NGLY1: variants seen among roughly 807,000 people sequenced by gnomAD.
The protein encoded by NGLY1 is N-glycanase 1.
NGLY1 carries 68 observed loss-of-function variants against 84.6 expected under a neutral mutation model. The ratio of observed to expected loss-of-function variants is 0.80; its 90% confidence interval spans 0.66 to 0.98. The LOEUF (loss-of-function observed/expected upper bound fraction) is 0.98, where lower values mean the gene tolerates loss of function less well. Ranked by LOEUF, NGLY1 falls within the 50% of genes least tolerant of loss-of-function variation. NGLY1 has a pLI of 0.00. For missense variants in NGLY1, 779 were observed against 770.2 expected, an observed-to-expected ratio of 1.01 and a Z score of -0.14; for synonymous variants, 280 against 275.2, an observed-to-expected ratio of 1.02 and a Z score of -0.17.
rs780031584 is a variant in NGLY1, at chr3:25,778,703, A to C, written c.132-15T>G. 2.2e-5 allele frequency: 33 copies of C among 1,495,648 alleles called. No individual in the cohort carries two copies. The highest frequency in any genetic ancestry group is 2.8e-5 in the Non-Finnish European group (31 of 1,090,028). The allele number at this position is 1,495,648 out of a possible 1,614,324, so 92.6% of individuals were successfully genotyped here. The stretch of plus-strand genomic sequence containing the variant: ...CATTAGGGTTTCTGACAAAAAACAA[A>C]AGTTTGATTATATATAAAAAAAACC... On this transcript the variant is annotated splice_polypyrimidine_tract_variant and intron_variant, in intron 1 of 11. Coordinates refer to ENST00000280700, the MANE Select transcript of NGLY1 (RefSeq NM_018297.4).
At chr3:25,777,279 C>G (rs1399032848) in intron 2 of NGLY1, among the ~76,000 whole-genome samples, 1 of 151,742 alleles carries the variant, frequency 6.6e-6, no homozygotes, top group African/African-American at 2.4e-5. Flanking sequence ...CCTTTAATCC[C>G]AGCTACTCAG....
At chr3:25,782,136 A>G (rs981052072) in intron 1 of NGLY1, among the ~76,000 whole-genome samples, 1 of 152,168 alleles carries the variant, frequency 6.6e-6, no homozygotes, top group Non-Finnish European at 1.5e-5. Flanking sequence ...TAAGGGCTCA[A>G]TATATTTTCC....
chr3:25,762,476 G>A (rs1416483140), intron 3 of NGLY1, among the ~76,000 whole-genome samples: 1 of 152,184 alleles, frequency 6.6e-6, no homozygotes, highest in Admixed American at 6.5e-5. Context: ...GACTAGAGTA[G>A]TAAGAATTGA....
At chr3:25,737,912 G>GA (rs1171799655) in intron 5 of NGLY1, among the ~76,000 whole-genome samples, 1 of 152,136 alleles carries the variant, frequency 6.6e-6, no homozygotes, top group Non-Finnish European at 1.5e-5. Context: ...AACATTTGGT[G>GA]AAAAATAATT....
rs1705026707 is a variant in NGLY1, at chr3:25,722,148, G to A, written c.1612-1957C>T. 2.6e-5 allele frequency among the ~76,000 whole-genome samples: 4 copies of A among 151,760 alleles called. No individual in the cohort carries two copies. In the South Asian group the frequency reaches 8.3e-4, roughly 32 times the overall value. ...CATGAATATTGCTTGAACTAGGGAGGCAGAGGTTGCAGTGAGCGGGATGGT... is the reference window on the plus strand; with the variant it reads ...CATGAATATTGCTTGAACTAGGGAGACAGAGGTTGCAGTGAGCGGGATGGT... On this transcript the variant is annotated intron_variant, in intron 10 of 11. Coordinates refer to ENST00000280700, the MANE Select transcript of NGLY1 (RefSeq NM_018297.4).
intron 2 of NGLY1, among the ~76,000 whole-genome samples, chr3:25,773,201 T>G (rs1707982143): frequency 6.6e-6 from 1 of 151,952 alleles, no homozygotes; most frequent in Admixed American, 6.6e-5. Context: ...GAAGTTTTCC[T>G]CAATTATTCC....
intron 10 of NGLY1, among the ~76,000 whole-genome samples, chr3:25,723,964 A>G (rs1414498786): frequency 6.6e-6 from 1 of 152,148 alleles, no homozygotes. Context: ...ATGAGCATAT[A>G]CACCCTTTGC....
chr3:25,767,286 C>T (rs1235516272), intron 2 of NGLY1, among the ~76,000 whole-genome samples: 2 of 148,494 alleles, frequency 1.3e-5, no homozygotes, highest in East Asian at 2.0e-4. Flanking sequence ...AACTAGACTC[C>T]GTCTCAAAAA....
At chr3:25,789,661 C>A in intron 1 of NGLY1, 1 of 629,974 alleles carries the variant, frequency 1.6e-6, no homozygotes, top group South Asian at 2.0e-5. Context: ...TGATGTTGGC[C>A]ATTTTGGTTA....
At chr3:25,731,343 AG>A (rs1705527473) in intron 9 of NGLY1, among the ~76,000 whole-genome samples, 1 of 152,094 alleles carries the variant, frequency 6.6e-6, no homozygotes, top group African/African-American at 2.4e-5. Flanking sequence ...GATATCCAAA[AG>A]TTTAAAGAAC....
chr3:25,755,606 A>G (rs973206671), intron 3 of NGLY1: 1 of 1,492,770 alleles, frequency 6.7e-7, no homozygotes, highest in Admixed American at 1.7e-5. Context: ...TGGTTTCATC[A>G]TAGAACACAG....
Position 25,719,420 on chromosome 3 carries a change from G to A in NGLY1, c.*40C>T. On this transcript the variant is annotated 3_prime_UTR_variant, in exon 12 of 12. Coordinates refer to ENST00000280700, the MANE Select transcript of NGLY1 (RefSeq NM_018297.4). ...CTGAACCAACAGACTACTTCAGTAA[G>A]TCCTTGATTATTGCCAGCTTTTCTA... is the stretch of plus-strand genomic sequence containing the variant. 1 of 1,584,272 alleles carries A rather than the reference G, an allele frequency of 6.3e-7. No individual in the cohort carries two copies. Among genetic ancestry groups the A allele is most frequent in the Non-Finnish European group, 8.7e-7 (1 of 1,155,744 alleles).
chr3:25,733,474 T>C (rs1190158606), intron 8 of NGLY1, among the ~76,000 whole-genome samples: 49 of 102,996 alleles, frequency 4.8e-4, no homozygotes, highest in African/African-American at 1.7e-3. Flanking sequence ...GACGTGTGTG[T>C]GTGTGTGTGT....
intron 2 of NGLY1, among the ~76,000 whole-genome samples, chr3:25,774,831 G>A (rs1708083047): frequency 6.6e-6 from 1 of 152,068 alleles, no homozygotes. Context: ...ACACACCCCA[G>A]TCCAGGAAAA....
intron 2 of NGLY1, among the ~76,000 whole-genome samples, chr3:25,767,293 A>T (rs76800772): frequency 1.4e-5 from 2 of 147,956 alleles, no homozygotes; most frequent in African/African-American, 4.9e-5. Context: ...CTCCGTCTCA[A>T]AAAAAAAAAA....
intron 10 of NGLY1, among the ~76,000 whole-genome samples, chr3:25,725,380 T>C (rs1253761374): frequency 6.6e-6 from 1 of 152,190 alleles, no homozygotes; most frequent in Non-Finnish European, 1.5e-5. Context: ...TTCATCTGCA[T>C]CCTTTGTAAT....
Position 25,737,318 on chromosome 3 carries a change from A to G in NGLY1, c.1003+16T>C, listed in dbSNP as rs1705880151. 2 of 1,598,962 alleles carry G rather than the reference A, an allele frequency of 1.3e-6. No homozygotes were observed. The highest frequency in any genetic ancestry group is 2.7e-5 in the African/African-American group (2 of 74,132). The stretch of plus-strand genomic sequence containing the variant: ...TGCAAAGCCCTACTACCCTCTGCTC[A>G]TTCCACATTCTGTACCTGTGTAATC... On this transcript the variant is annotated intron_variant, in intron 6 of 11. Transcript: ENST00000280700.
chr3:25,786,649 C>T (rs1187812876), upstream of NGLY1, among the ~76,000 whole-genome samples: 1 of 152,044 alleles, frequency 6.6e-6, no homozygotes, highest in African/African-American at 2.4e-5. Context: ...TTATAAATGG[C>T]AATATTCAAA....
intron 1 of NGLY1, chr3:25,789,823 C>T (rs1708683488): frequency 6.4e-7 from 1 of 1,550,752 alleles, no homozygotes; most frequent in African/African-American, 1.4e-5. Flanking sequence ...ATTATCACTG[C>T]CAAAGAAAAA....
Sources: gnomAD v4.1 joint callset for allele counts (sites outside exome capture counted in the v4.1 genomes callset) on GRCh38, gnomAD v4.1.1 for gene constraint, MANE v1.5 for transcripts, NCBI Gene and HGNC (gene_info 2026-07-23, HGNC 2026-07-21) for gene names.